CFAP300: variants seen among roughly 807,000 people sequenced by gnomAD.
CFAP300 encodes the protein cilia- and flagella-associated protein 300.
Under a neutral mutation model 33.0 loss-of-function variants are expected in CFAP300, and 32 were observed. The ratio of observed to expected loss-of-function variants is 0.97; its 90% CI spans 0.73 to 1.30. The LOEUF (loss-of-function observed/expected upper bound fraction) is 1.30. Among genes scored for constraint, CFAP300 ranks in the 50% most tolerant of loss-of-function variants. The pLI is 0.00. For missense variants in CFAP300, 356 were observed against 318.1 expected, an observed-to-expected ratio of 1.12 and a Z score of -0.90; for synonymous variants, 102 against 106.8, an observed-to-expected ratio of 0.95 and a Z score of 0.28.
intron 5 of CFAP300, among the ~76,000 whole-genome samples, chr11:102,079,967 T>C (rs1354817809): frequency 6.6e-6 from 1 of 152,138 alleles, no homozygotes; most frequent in African/African-American, 2.4e-5. Context: ...GTGTGATCTT[T>C]AAATGAGGTC....
chr11:102,052,482 T>C (rs568007105), intron 2 of CFAP300, among the ~76,000 whole-genome samples: 1 of 152,362 alleles, frequency 6.6e-6, no homozygotes, highest in African/African-American at 2.4e-5. Flanking sequence ...AAAATTTGTC[T>C]TTTTATAATT....
At chr11:102,053,574 A>G (rs555935229) in intron 2 of CFAP300, among the ~76,000 whole-genome samples, 13 of 151,660 alleles carry the variant, frequency 8.6e-5, no homozygotes, top group Admixed American at 5.3e-4. Context: ...AAACAAACAA[A>G]CAAACAAACA....
At chr11:102,069,921 G>A (rs1242147107) in intron 4 of CFAP300, among the ~76,000 whole-genome samples, 1 of 152,038 alleles carries the variant, frequency 6.6e-6, no homozygotes, top group Non-Finnish European at 1.5e-5. Flanking sequence ...GAGCCAAGAT[G>A]GCACCATCGC....
At chr11:102,064,844 T>G (rs1191907374) in intron 3 of CFAP300, among the ~76,000 whole-genome samples, 1 of 152,178 alleles carries the variant, frequency 6.6e-6, no homozygotes, top group South Asian at 2.1e-4. Context: ...TTAATCTTTA[T>G]GACTTTCTGT....
chr11:102,047,493 A>ACTTGGG lies in CFAP300; in HGVS notation c.24_29dup (p.Leu9_Gly10dup), dbSNP rs753634626. ...ACGATGGCTACTGGGGAGCTCGGGG[A>ACTTGGG]CTTGGGTGGCTACTACTTCAGGTTC... On this transcript the variant is annotated inframe_insertion, in exon 1 of 7. Transcript: ENST00000434758. 127 of 1,535,782 alleles carry ACTTGGG rather than the reference A, an allele frequency of 8.3e-5. No homozygotes were observed. The Middle Eastern group carries it at 8.3e-4, about 10-fold the overall frequency.
chr11:102,057,785 CAGAG>C (rs1942082131), intron 2 of CFAP300: 1 of 152,340 alleles, frequency 6.6e-6, no homozygotes, highest in South Asian at 2.1e-4. Context: ...AAGGTAGTGG[CAGAG>C]ACCACTTTCA....
chr11:102,069,633 A>C (rs887716992), intron 4 of CFAP300, among the ~76,000 whole-genome samples: 1 of 151,870 alleles, frequency 6.6e-6, no homozygotes, highest in Non-Finnish European at 1.5e-5. Context: ...TGAAAACCAG[A>C]CTCTATTAAA....
chr11:102,063,757 C>A, intron 3 of CFAP300, among the ~76,000 whole-genome samples: 1 of 151,936 alleles, frequency 6.6e-6, no homozygotes, highest in Non-Finnish European at 1.5e-5. Context: ...AAGTTGAGGC[C>A]ACAATGAGCC....
At chr11:102,069,773 A>G (rs766633107) in intron 4 of CFAP300, among the ~76,000 whole-genome samples, 1 of 152,222 alleles carries the variant, frequency 6.6e-6, no homozygotes, top group Non-Finnish European at 1.5e-5. Context: ...ACTGCACTCC[A>G]GCCTGGGTGA....
At chr11:102,060,853 C>T (rs572141376) in intron 3 of CFAP300, among the ~76,000 whole-genome samples, 4 of 152,192 alleles carry the variant, frequency 2.6e-5, no homozygotes, top group African/African-American at 9.6e-5. Context: ...TGGCTAAAGA[C>T]TACTGCAAAA....
chr11:102,062,272 G>A (rs1056123274), intron 3 of CFAP300, among the ~76,000 whole-genome samples: 2 of 152,198 alleles, frequency 1.3e-5, no homozygotes, highest in African/African-American at 4.8e-5. Context: ...AAGCCACCCA[G>A]ACTATGGCAT....
intron 4 of CFAP300, among the ~76,000 whole-genome samples, chr11:102,067,604 G>A (rs1182851632): frequency 1.3e-5 from 2 of 152,142 alleles, no homozygotes; most frequent in South Asian, 2.1e-4. Flanking sequence ...ACAACATGAA[G>A]ATGAAAGTGC....
At chr11:102,073,857 C>T (rs1942354863) in intron 4 of CFAP300, among the ~76,000 whole-genome samples, 1 of 152,120 alleles carries the variant, frequency 6.6e-6, no homozygotes, top group Admixed American at 6.6e-5. Context: ...TATGTTTCAG[C>T]CCCTCAGCTG....
intron 3 of CFAP300, among the ~76,000 whole-genome samples, chr11:102,064,917 G>A (rs1942200306): frequency 6.6e-6 from 1 of 152,156 alleles, no homozygotes; most frequent in Non-Finnish European, 1.5e-5. Flanking sequence ...GGAAATAAGT[G>A]TGGGATAGGG....
intron 3 of CFAP300, among the ~76,000 whole-genome samples, chr11:102,064,810 GAGGTAATAATAAAAAT>G (rs1262456122): frequency 2.0e-5 from 3 of 152,144 alleles, no homozygotes; most frequent in Non-Finnish European, 4.4e-5. Context: ...GTGATCGATG[GAGGTAATAATAAAAAT>G]ATTCATTTTA....
chr11:102,067,705 T>A (rs915827823), intron 4 of CFAP300, among the ~76,000 whole-genome samples: 3 of 152,142 alleles, frequency 2.0e-5, no homozygotes, highest in African/African-American at 7.2e-5. Context: ...TAAAATGAAA[T>A]GTCAGCTTGG....
At chr11:102,077,879 T>G (rs1942419689) in intron 5 of CFAP300, among the ~76,000 whole-genome samples, 2 of 151,078 alleles carry the variant, frequency 1.3e-5, no homozygotes, top group Non-Finnish European at 3.0e-5. Flanking sequence ...CTGGCCTATT[T>G]TATTTATTTT....
chr11:102,053,201 C>T (rs1032068830), intron 2 of CFAP300, among the ~76,000 whole-genome samples: 1 of 151,740 alleles, frequency 6.6e-6, no homozygotes, highest in Non-Finnish European at 1.5e-5. Context: ...TGCACTCCAG[C>T]CTGGGCGACA....
intron 2 of CFAP300, among the ~76,000 whole-genome samples, chr11:102,050,112 AAAGT>A (rs1394859252): frequency 6.6e-6 from 1 of 152,170 alleles, no homozygotes; most frequent in Non-Finnish European, 1.5e-5. Context: ...CCTGGGTGAC[AAAGT>A]AAGACCCTGT....
Sources: gnomAD v4.1 joint callset for allele counts (sites outside exome capture counted in the v4.1 genomes callset) on GRCh38, gnomAD v4.1.1 for gene constraint, MANE v1.5 for transcripts, NCBI Gene and HGNC (gene_info 2026-07-23, HGNC 2026-07-21) for gene names.